MAPKAP1: variants seen among roughly 807,000 people sequenced by gnomAD.
MAPKAP1 encodes target of rapamycin complex 2 subunit MAPKAP1.
Under a neutral mutation model 65.7 loss-of-function variants are expected in MAPKAP1, and 20 were observed. The observed-to-expected ratio is 0.30, with a 90% CI of 0.21 to 0.44. The LOEUF is 0.44. Ranked by LOEUF, MAPKAP1 falls within the 20% of genes least tolerant of loss-of-function variation. The pLI, the probability that MAPKAP1 is intolerant of heterozygous loss-of-function variation, is 1.00. For synonymous variants in MAPKAP1, 222 were observed against 244.3 expected (o/e 0.91, Z 0.85); for missense variants, 423 against 648.0 (o/e 0.65, Z 3.77).
intron 10 of MAPKAP1, among the ~76,000 whole-genome samples, chr9:125,459,118 G>A (rs10986765): frequency 0.019 from 2,677 of 144,462 alleles, 133 homozygotes; most frequent in East Asian, 0.13. Context: ...GGGCAGAGAC[G>A]CTCTTCACCT....
intron 8 of MAPKAP1, among the ~76,000 whole-genome samples, chr9:125,502,591 G>T (rs1829016356): frequency 1.3e-5 from 2 of 152,066 alleles, no homozygotes; most frequent in African/African-American, 4.8e-5. Context: ...CCAAACATAT[G>T]CAGATCTTCT....
chr9:125,448,131 C>T (rs1209237512), intron 10 of MAPKAP1, among the ~76,000 whole-genome samples: 2 of 152,100 alleles, frequency 1.3e-5, no homozygotes, highest in African/African-American at 4.8e-5. Flanking sequence ...GTAAGCAGTT[C>T]CCGTAGTCAG....
rs1307620359 is a variant in MAPKAP1, at chr9:125,654,296, C to T, written c.498+3355G>A. Among the ~76,000 whole-genome samples, 18 of 152,144 alleles carry T rather than the reference C, an allele frequency of 1.2e-4. 1 individual carries two copies. Among genetic ancestry groups the T allele is most frequent in the Admixed American group, 1.0e-3 (16 of 15,270 alleles). On this transcript the variant is annotated intron_variant, in intron 4 of 11. Coordinates refer to ENST00000265960, the MANE Select transcript of MAPKAP1 (RefSeq NM_001006617.3). The stretch of plus-strand genomic sequence containing the variant: ...TAGAATAGAGGTTTTGTGTTGTTAA[C>T]GAGGCTATTCAGAGGTTCCGTTCTC...
chr9:125,553,068 G>C (rs1830629009), intron 6 of MAPKAP1, among the ~76,000 whole-genome samples: 1 of 151,942 alleles, frequency 6.6e-6, no homozygotes, highest in Non-Finnish European at 1.5e-5. Flanking sequence ...TTTTATATAT[G>C]TCACTGTGTG....
intron 7 of MAPKAP1, among the ~76,000 whole-genome samples, chr9:125,514,437 G>A (rs1405663360): frequency 6.6e-6 from 1 of 152,164 alleles, no homozygotes; most frequent in African/African-American, 2.4e-5. Flanking sequence ...ATGTTTGGAT[G>A]GTAGTGTAGC....
chr9:125,667,798 T>C (rs1422143067), intron 3 of MAPKAP1, among the ~76,000 whole-genome samples: 1 of 152,172 alleles, frequency 6.6e-6, no homozygotes, highest in Non-Finnish European at 1.5e-5. Flanking sequence ...GGAGCTTAAA[T>C]AAACTTGCTC....
intron 5 of MAPKAP1, among the ~76,000 whole-genome samples, chr9:125,581,424 CCTAATGGCTAATGTTGCTGAGCAT>C (rs1246105945): frequency 1.3e-5 from 2 of 152,182 alleles, no homozygotes; most frequent in Non-Finnish European, 2.9e-5. Context: ...ATTGCATTTT[CCTAATGGCTAATGTTGCTGAGCAT>C]CTTTTCATGT....
chr9:125,692,630 C>T (rs1043981687), intron 1 of MAPKAP1, among the ~76,000 whole-genome samples: 4 of 151,864 alleles, frequency 2.6e-5, no homozygotes, highest in African/African-American at 7.3e-5. Flanking sequence ...ATTTTAGAGG[C>T]GTGAATTTTA....
At chr9:125,670,401 T>A (rs1834461817) in intron 2 of MAPKAP1, among the ~76,000 whole-genome samples, 1 of 152,182 alleles carries the variant, frequency 6.6e-6, no homozygotes, top group African/African-American at 2.4e-5. Context: ...TTATAAAATG[T>A]CAAAGCTATA....
intron 7 of MAPKAP1, among the ~76,000 whole-genome samples, chr9:125,522,574 C>A (rs897141744): frequency 5.9e-5 from 9 of 152,226 alleles, no homozygotes; most frequent in African/African-American, 2.2e-4. Context: ...ACTCTACCCA[C>A]TTAATACATC....
At chr9:125,652,871 C>A (rs903810558) in intron 4 of MAPKAP1, among the ~76,000 whole-genome samples, 1 of 152,118 alleles carries the variant, frequency 6.6e-6, no homozygotes, top group Non-Finnish European at 1.5e-5. Flanking sequence ...CCGTTTTCAC[C>A]CTCTCTGCTG....
chr9:125,493,624 C>A (rs1564530322), intron 8 of MAPKAP1, among the ~76,000 whole-genome samples: 1 of 152,186 alleles, frequency 6.6e-6, no homozygotes, highest in African/African-American at 2.4e-5. Flanking sequence ...ACCTAACATA[C>A]CTTTCCTCGT....
intron 7 of MAPKAP1, among the ~76,000 whole-genome samples, chr9:125,532,021 C>G (rs1187438491): frequency 6.6e-6 from 1 of 152,112 alleles, no homozygotes; most frequent in Admixed American, 6.5e-5. Context: ...GATTCCCAAT[C>G]AATATACAGA....
chr9:125,580,699 A>AT (rs982322372), intron 5 of MAPKAP1, among the ~76,000 whole-genome samples: 2 of 151,902 alleles, frequency 1.3e-5, no homozygotes, highest in African/African-American at 4.8e-5. Flanking sequence ...AAAAAAGACT[A>AT]TAGACATTAC....
chr9:125,518,176 C>T (rs982552865), intron 7 of MAPKAP1, among the ~76,000 whole-genome samples: 7 of 152,096 alleles, frequency 4.6e-5, no homozygotes, highest in African/African-American at 1.2e-4. Context: ...ATTAAAGTAC[C>T]GTTTTAATAT....
intron 2 of MAPKAP1, among the ~76,000 whole-genome samples, chr9:125,670,502 A>C (rs1440968006): frequency 6.6e-6 from 1 of 152,208 alleles, no homozygotes; most frequent in Non-Finnish European, 1.5e-5. Flanking sequence ...GTCAAATCTT[A>C]AAAAGAACAA....
intron 9 of MAPKAP1, among the ~76,000 whole-genome samples, chr9:125,481,821 C>T (rs1854327199): frequency 6.6e-6 from 1 of 151,914 alleles, no homozygotes; most frequent in East Asian, 2.0e-4. Flanking sequence ...GTTTGAGTGG[C>T]ATTCTTACTT....
chr9:125,438,054 G>A lies in MAPKAP1; in HGVS notation c.*833C>T. 7.3e-6 allele frequency: 2 copies of A among 275,002 alleles called. No individual in the cohort carries two copies. Among genetic ancestry groups the A allele is most frequent in the Non-Finnish European group, 6.8e-6 (1 of 147,992 alleles). 17.0% of individuals were successfully genotyped at this position (275,002 alleles called of 1,614,324 possible). A position where few individuals can be genotyped will look rare whatever the true frequency, so the allele number is the denominator to read the frequency against. ...AGGCAGCGAAGCAGAGAACATGCAG[G>A]TGGAACTGCCAGCTGAAACCTACAC... On this transcript the variant is annotated 3_prime_UTR_variant, in exon 12 of 12. Transcript: ENST00000265960.
chr9:125,671,844 C>T (rs1353523032), intron 2 of MAPKAP1, among the ~76,000 whole-genome samples: 1 of 152,134 alleles, frequency 6.6e-6, no homozygotes, highest in Non-Finnish European at 1.5e-5. Flanking sequence ...CTAACAAATA[C>T]TCAGGTGTCT....
Sources: allele counts gnomAD v4.1 joint callset (sites outside exome capture counted in the v4.1 genomes callset), GRCh38; gene constraint gnomAD v4.1.1; transcripts MANE v1.5; gene names NCBI Gene and HGNC (gene_info 2026-07-23, HGNC 2026-07-21).